The following PCDHGA1 variants were observed in gnomAD, a reference collection of about 807,000 sequenced individuals.
PCDHGA1 encodes protocadherin gamma subfamily A, 1, also known as protocadherin gamma-A1.
Under a neutral mutation model 58.0 loss-of-function variants are expected in PCDHGA1, and 32 were observed. The observed-to-expected ratio is 0.55, with a 90% confidence interval of 0.42 to 0.74. The LOEUF is 0.74. PCDHGA1 is among the 30% of genes least tolerant of loss of function. The probability of loss-of-function intolerance (pLI) is 0.00; values close to 1 mark genes in which losing one functional copy is unlikely to be tolerated. For missense variants in PCDHGA1, 1,205 were observed against 1,182.3 expected (o/e 1.02, Z -0.28); for synonymous variants, 498 against 501.1 (o/e 0.99, Z 0.08).
In PCDHGA1 at chr5:141,332,869, G is replaced by A. The variant is rs1315723499; in HGVS notation, c.2185G>A (p.Gly729Arg). The change falls in exon 1 of 4, where the codon GGA becomes AGA. Residue 729 changes from glycine to arginine, a missense_variant. Transcript: ENST00000517417. The surrounding 1 kb of genome is among the most constrained non-coding windows in gnomAD (Gnocchi z 4.6). ...CAAGTCACGTCTGCTACAGGCTTCG[G>A]GAGGCGGCTTAGCGAGCATGCCCGG... ...WHKSRLLQAS[G>R]GGLASMPGSH... 6.2e-7 allele frequency: 1 copy of A among 1,614,226 alleles called. No individual in the cohort carries two copies. Among genetic ancestry groups the A allele is most frequent in the Admixed American group, 1.7e-5 (1 of 60,034 alleles).
rs1338955892 is a variant in PCDHGA1, at chr5:141,502,521, T to C, written c.2481-2872T>C. 5.9e-5 allele frequency among the ~76,000 whole-genome samples: 9 copies of C among 152,338 alleles called. No homozygotes were observed. In the East Asian group the frequency reaches 1.7e-3, roughly 29 times the overall value. The stretch of plus-strand genomic sequence containing the variant: ...CGTCGGCCTGTCCCACTATCAGTGA[T>C]GCCGAGTTTGTTCGTGTGGTAAAAA... On this transcript the variant is annotated intron_variant, in intron 2 of 3. Transcript: ENST00000517417.
At chr5:141,464,929 G>A (rs1358204606) in intron 1 of PCDHGA1, among the ~76,000 whole-genome samples, 1 of 151,878 alleles carries the variant, frequency 6.6e-6, no homozygotes, top group Non-Finnish European at 1.5e-5. Flanking sequence ...TTGTAGAGAT[G>A]TGAGGTCTCA....
chr5:141,488,502 C>T (rs989368385), intron 1 of PCDHGA1, among the ~76,000 whole-genome samples: 2 of 152,146 alleles, frequency 1.3e-5, no homozygotes, highest in Non-Finnish European at 2.9e-5. Context: ...ACACTCATTC[C>T]ACATTTGGGG....
At chr5:141,410,469 T>C in intron 1 of PCDHGA1, 1 of 1,614,026 alleles carries the variant, frequency 6.2e-7, no homozygotes, top group Non-Finnish European at 8.5e-7. Context: ...AATCTGTGCA[T>C]TGCACATACG....
rs757269142 is a variant in PCDHGA1, at chr5:141,351,775, G to A, written c.2421+18670G>A. 11 of 1,613,472 alleles carry A rather than the reference G, an allele frequency of 6.8e-6. No individual in the cohort carries two copies. The South Asian group carries it at 1.2e-4, about 18-fold the overall frequency. ...TGTTGTCCTACGTGTCCGTGAGCCC[G>A]CAGAGCGGGGTGGTGTTCGCGCAGC... On this transcript the variant is annotated intron_variant, in intron 1 of 3. Coordinates refer to ENST00000517417, the MANE Select transcript of PCDHGA1 (RefSeq NM_018912.3).
chr5:141,415,590 A>G lies in PCDHGA1; in HGVS notation c.2422-79217A>G, dbSNP rs201666137. On this transcript the variant is annotated intron_variant, in intron 1 of 3. Transcript: ENST00000517417. ...TGTTAGATGATTCGAAGTTTCCTAT[A>G]GAGGATACCCCATTGGTTCCAGTGA... 60 of 1,613,946 alleles carry G rather than the reference A, an allele frequency of 3.7e-5. 1 individual carries two copies. The African/African-American group carries it at 7.2e-4, about 19-fold the overall frequency.
rs1482002302 is a variant in PCDHGA1 at position 141,330,889 on chromosome 5, A to C, written c.205A>C (p.Arg69=). The C allele has an allele frequency of 6.2e-7, 1 of 1,614,240 alleles. No individual in the cohort carries two copies. The highest frequency in any genetic ancestry group is 8.5e-7 in the Non-Finnish European group (1 of 1,180,042). The part of the protein sequence containing the change: ...LADGGVRIVS[R]GRMPLFALNP... ...AGATGGCGGAGTCCGCATCGTCTCC[A>C]GAGGTAGGATGCCGCTTTTCGCTCT... Residue 69 remains arginine (R), a synonymous_variant, in exon 1 of 4, where the codon AGA becomes CGA. Coordinates refer to ENST00000517417, the MANE Select transcript of PCDHGA1 (RefSeq NM_018912.3).
chr5:141,388,892 A>G (rs1370408221), intron 1 of PCDHGA1: 1 of 1,613,996 alleles, frequency 6.2e-7, no homozygotes, highest in Non-Finnish European at 8.5e-7. Context: ...TAGAAGTCAT[A>G]GATGAAAATG....
At chr5:141,387,000 C>T (rs1211654185) in intron 1 of PCDHGA1, among the ~76,000 whole-genome samples, 7 of 152,118 alleles carry the variant, frequency 4.6e-5, no homozygotes, top group African/African-American at 1.7e-4. Flanking sequence ...TATTATCCCC[C>T]TGATAACTTT....
At chr5:141,411,895 A>G (rs945335839) in intron 1 of PCDHGA1, 1 of 152,254 alleles carries the variant, frequency 6.6e-6, no homozygotes, top group Non-Finnish European at 1.5e-5. Context: ...TAAATGAAAT[A>G]CTATTGCCTT....
chr5:141,357,248 A>G (rs750346912), intron 1 of PCDHGA1: 1 of 1,613,188 alleles, frequency 6.2e-7, no homozygotes, highest in South Asian at 1.1e-5. Context: ...CCTTCAGCAG[A>G]CCCAGACGAC....
intron 1 of PCDHGA1, among the ~76,000 whole-genome samples, chr5:141,472,310 G>A (rs2099276586): frequency 6.6e-6 from 1 of 152,040 alleles, no homozygotes; most frequent in Non-Finnish European, 1.5e-5. Flanking sequence ...GGGAAGCCGA[G>A]GCAGGCAGAT....
intron 1 of PCDHGA1, among the ~76,000 whole-genome samples, chr5:141,448,180 G>C (rs961721974): frequency 1.3e-5 from 2 of 151,998 alleles, no homozygotes; most frequent in African/African-American, 2.4e-5. Flanking sequence ...TTCATCCCTG[G>C]TTATGTACAC....
In PCDHGA1 at chr5:141,489,739, G is replaced by A; in HGVS notation, c.2422-5068G>A. On this transcript the variant is annotated intron_variant, in intron 1 of 3. Transcript: ENST00000517417. The surrounding 1 kb of genome is among the most constrained non-coding windows in gnomAD (Gnocchi z 4.5). Reference sequence around the variant, plus strand: ...GGATCCGGATGTGGGCACCAATACTGTGAGCTTTTACACTCTAAGCCCCAA... The same window carrying A: ...GGATCCGGATGTGGGCACCAATACTATGAGCTTTTACACTCTAAGCCCCAA... 3 of 1,614,170 alleles carry A rather than the reference G, an allele frequency of 1.9e-6. No homozygotes were observed. The highest frequency in any genetic ancestry group is 2.2e-5 in the South Asian group (2 of 91,076).
chr5:141,385,258 A>G lies in PCDHGA1; in HGVS notation c.2421+52153A>G, dbSNP rs1490610927. ...GCTCATCAGCCAGGAGAGCTGTGAG[A>G]AAAATGATTCTTTGCTAACATCCGT... On this transcript the variant is annotated intron_variant, in intron 1 of 3. Coordinates refer to ENST00000517417, the MANE Select transcript of PCDHGA1 (RefSeq NM_018912.3). 6 of 1,613,776 alleles carry G rather than the reference A, an allele frequency of 3.7e-6. No individual in the cohort carries two copies. In the South Asian group the frequency reaches 6.6e-5, roughly 18 times the overall value.
At position 141,374,633 on chromosome 5, in the gene PCDHGA1, A is replaced by C. The variant is rs1259564749; in HGVS notation, c.2421+41528A>C. 1.2e-6 allele frequency: 2 copies of C among 1,613,130 alleles called. No individual in the cohort carries two copies. Among genetic ancestry groups the C allele is most frequent in the Non-Finnish European group, 1.7e-6 (2 of 1,179,508 alleles). On this transcript the variant is annotated intron_variant, in intron 1 of 3. Transcript: ENST00000517417. Reference sequence around the variant, plus strand: ...TAGTCACTTCTCAGTGGACGTGCAAAGCGAAGCCCATGGGCCCAAGTACCC... The same window carrying C: ...TAGTCACTTCTCAGTGGACGTGCAACGCGAAGCCCATGGGCCCAAGTACCC...
chr5:141,384,020 G>A (rs1158407540), intron 1 of PCDHGA1: 2 of 1,613,612 alleles, frequency 1.2e-6, no homozygotes, highest in Admixed American at 3.3e-5. Flanking sequence ...CTACAAGACA[G>A]AGATTCTGGA....
At chr5:141,395,485 T>C (rs2093239128) in intron 1 of PCDHGA1, 2 of 522,170 alleles carry the variant, frequency 3.8e-6, no homozygotes, top group Non-Finnish European at 6.6e-6. Context: ...TTATTCCTAT[T>C]ATCACTCATT....
intron 1 of PCDHGA1, among the ~76,000 whole-genome samples, chr5:141,483,778 G>T (rs1012545478): frequency 1.6e-4 from 24 of 152,222 alleles, no homozygotes; most frequent in African/African-American, 5.8e-4. Context: ...ATTGGGGAAG[G>T]ATAAGAACTC....
Sources: allele counts gnomAD v4.1 joint callset (sites outside exome capture counted in the v4.1 genomes callset), GRCh38; gene constraint gnomAD v4.1.1; non-coding constraint Gnocchi (gnomAD v3.1); transcripts MANE v1.5; gene names NCBI Gene and HGNC (gene_info 2026-07-23, HGNC 2026-07-21).